Variants in STAG1 observed in about 807,000 individuals in gnomAD.
STAG1 encodes the protein cohesin subunit SA-1.
Under a neutral mutation model 170.9 loss-of-function variants are expected in STAG1, and 26 were observed. That is an observed-to-expected ratio of 0.15 (90% confidence interval 0.11 to 0.21). The LOEUF is 0.21. STAG1 is among the 10% of genes least tolerant of loss of function. The pLI, the probability that STAG1 is intolerant of heterozygous loss-of-function variation, is 1.00. For missense variants in STAG1, 964 were observed against 1,509.5 expected, an observed-to-expected ratio of 0.64 and a Z score of 5.99; for synonymous variants, 514 against 497.7, an observed-to-expected ratio of 1.03 and a Z score of -0.44.
intron 11 of STAG1, among the ~76,000 whole-genome samples, chr3:136,473,238 T>A (rs2089668603): frequency 1.3e-5 from 2 of 152,126 alleles, no homozygotes; most frequent in Non-Finnish European, 2.9e-5. Flanking sequence ...CTGCAATGAT[T>A]CTACCTTATG....
intron 1 of STAG1, among the ~76,000 whole-genome samples, chr3:136,723,024 C>T (rs1253138027): frequency 3.9e-5 from 6 of 152,196 alleles, no homozygotes; most frequent in South Asian, 2.1e-4. Context: ...AGTGCAGTGG[C>T]GTGATCTCCG....
intron 1 of STAG1, among the ~76,000 whole-genome samples, chr3:136,714,100 C>T (rs1016185678): frequency 1.3e-5 from 2 of 151,984 alleles, no homozygotes; most frequent in Non-Finnish European, 2.9e-5. Flanking sequence ...ACCACTTGAA[C>T]CCAGGAGGTG....
At chr3:136,397,284 T>C (rs1317185647) in intron 22 of STAG1, among the ~76,000 whole-genome samples, 1 of 152,206 alleles carries the variant, frequency 6.6e-6, no homozygotes, top group Non-Finnish European at 1.5e-5. Flanking sequence ...CTCTTCATGG[T>C]TGTTTTCATG....
chr3:136,728,130 C>A (rs992589440), intron 1 of STAG1, among the ~76,000 whole-genome samples: 13 of 151,902 alleles, frequency 8.6e-5, no homozygotes, highest in Non-Finnish European at 1.5e-4. Context: ...TGCACTCCAG[C>A]CTGGGCAACA....
At chr3:136,396,043 C>T (rs2087138199) in intron 22 of STAG1, among the ~76,000 whole-genome samples, 1 of 152,180 alleles carries the variant, frequency 6.6e-6, no homozygotes, top group Non-Finnish European at 1.5e-5. Flanking sequence ...ACTGGAATTA[C>T]AGATGTGCGC....
intron 9 of STAG1, among the ~76,000 whole-genome samples, chr3:136,495,656 A>C (rs6795981): frequency 1.4e-5 from 2 of 143,736 alleles, no homozygotes; most frequent in African/African-American, 5.5e-5. Context: ...AACATGGTGA[A>C]ACTCCGCCTC....
chr3:136,598,739 T>C (rs1027717309), intron 4 of STAG1, among the ~76,000 whole-genome samples: 2 of 152,154 alleles, frequency 1.3e-5, no homozygotes, highest in African/African-American at 4.8e-5. Flanking sequence ...TACAAACTTT[T>C]AAAAAGCACC....
At chr3:136,373,052 C>T (rs1295990767) in intron 23 of STAG1, among the ~76,000 whole-genome samples, 1 of 152,128 alleles carries the variant, frequency 6.6e-6, no homozygotes, top group African/African-American at 2.4e-5. Context: ...TTCAGAGATT[C>T]AACTTCTTCT....
At chr3:136,369,046 T>G (rs1576396520) in intron 24 of STAG1, 62 bp downstream of exon 24, 2 of 1,357,128 alleles carry the variant, frequency 1.5e-6, no homozygotes, top group Non-Finnish European at 1.9e-6. Flanking sequence ...TTGTTTCTTT[T>G]CTCCTATCTT....
At chr3:136,448,909 A>G (rs1315129691) in intron 14 of STAG1, among the ~76,000 whole-genome samples, 1 of 152,118 alleles carries the variant, frequency 6.6e-6, no homozygotes, top group Non-Finnish European at 1.5e-5. Context: ...ACTGCACTCC[A>G]GCAAGACTCC....
intron 10 of STAG1, among the ~76,000 whole-genome samples, chr3:136,474,888 G>A (rs1212531120): frequency 1.3e-5 from 2 of 152,118 alleles, no homozygotes; most frequent in African/African-American, 4.8e-5. Flanking sequence ...ACCCCTAGGA[G>A]GTTATGCTCC....
intron 31 of STAG1, among the ~76,000 whole-genome samples, chr3:136,340,931 C>T (rs749924627): frequency 3.3e-5 from 5 of 152,060 alleles, no homozygotes; most frequent in South Asian, 4.1e-4. Flanking sequence ...TTTTTTGAGA[C>T]GGCGTCTTGC....
intron 1 of STAG1, among the ~76,000 whole-genome samples, chr3:136,688,216 T>A (rs1480816007): frequency 2.0e-5 from 3 of 152,154 alleles, no homozygotes; most frequent in Non-Finnish European, 4.4e-5. Flanking sequence ...CCTTTCAGCA[T>A]GTCGACATAG....
At chr3:136,432,774 G>C (rs1231673240) in intron 16 of STAG1, among the ~76,000 whole-genome samples, 4 of 152,140 alleles carry the variant, frequency 2.6e-5, no homozygotes, top group Non-Finnish European at 5.9e-5. Context: ...ATAAGTGCTA[G>C]GATTACAGGC....
intron 21 of STAG1, among the ~76,000 whole-genome samples, chr3:136,413,428 C>T (rs962642320): frequency 4.6e-5 from 7 of 150,632 alleles, no homozygotes; most frequent in Non-Finnish European, 7.4e-5. Context: ...TATTAGAATA[C>T]GTAATTTCTT....
chr3:136,639,577 T>C (rs1940713707), intron 1 of STAG1, among the ~76,000 whole-genome samples: 1 of 152,182 alleles, frequency 6.6e-6, no homozygotes, highest in African/African-American at 2.4e-5. Flanking sequence ...TCCAAAAATG[T>C]CCTCTGGCTT....
intron 7 of STAG1, among the ~76,000 whole-genome samples, chr3:136,515,534 G>A (rs1934327118): frequency 6.6e-6 from 1 of 152,110 alleles, no homozygotes; most frequent in Non-Finnish European, 1.5e-5. Context: ...ATGCTATAAA[G>A]ACGAAGAAAG....
intron 3 of STAG1, chr3:136,609,163 G>A (rs1359074982): frequency 6.5e-6 from 1 of 153,704 alleles, no homozygotes; most frequent in Non-Finnish European, 1.5e-5. Context: ...TGGAAATGAA[G>A]TCAAAAAAGG....
chr3:136,587,422 C>G (rs1054932802), intron 4 of STAG1, among the ~76,000 whole-genome samples: 12 of 151,624 alleles, frequency 7.9e-5, no homozygotes, highest in African/African-American at 2.7e-4. Flanking sequence ...CATCTGTAAT[C>G]CCAGCTACTC....
Sources: allele counts gnomAD v4.1 joint callset (sites outside exome capture counted in the v4.1 genomes callset), GRCh38; gene constraint gnomAD v4.1.1; transcripts MANE v1.5; gene names NCBI Gene and HGNC (gene_info 2026-07-23, HGNC 2026-07-21).